Variants in TSNARE1 observed in about 807,000 individuals in gnomAD.
TSNARE1 encodes the protein t-SNARE domain-containing protein 1.
A neutral mutation model predicts 62.0 loss-of-function variants in TSNARE1; 49 were observed. The ratio of observed to expected loss-of-function variants is 0.79; its 90% CI spans 0.63 to 1.00. The LOEUF is 1.00. Ranked by LOEUF, TSNARE1 falls within the 50% of genes least tolerant of loss-of-function variation. TSNARE1 has a pLI of 0.00. For missense variants in TSNARE1, 755 were observed against 700.1 expected (o/e 1.08, Z -0.88); for synonymous variants, 328 against 294.4 (o/e 1.11, Z -1.17).
intron 9 of TSNARE1, 105 bp from the exon 10 acceptor site, chr8:142,300,749 T>A: frequency 2.5e-6 from 3 of 1,178,490 alleles, no homozygotes; most frequent in Non-Finnish European, 3.5e-6. Context: ...ACTATCCCCA[T>A]CTGCTCTCTG....
At chr8:142,276,584 G>A (rs909281613) in intron 11 of TSNARE1, 1 of 985,300 alleles carries the variant, frequency 1.0e-6, no homozygotes, top group African/African-American at 1.7e-5. Flanking sequence ...AACACAGGTG[G>A]TGCTGGACAG....
chr8:142,337,557 A>C (rs967427080), intron 4 of TSNARE1, among the ~76,000 whole-genome samples: 3 of 152,236 alleles, frequency 2.0e-5, no homozygotes, highest in African/African-American at 7.2e-5. Context: ...TCACAGCATA[A>C]CCTCAAGACT....
At chr8:142,305,568 T>A (rs1826533923) in intron 9 of TSNARE1, among the ~76,000 whole-genome samples, 1 of 151,922 alleles carries the variant, frequency 6.6e-6, no homozygotes, top group African/African-American at 2.4e-5. Context: ...CTGGTGCCGC[T>A]CTCCCCAGCA....
At chr8:142,243,516 G>A (rs558980013) in intron 12 of TSNARE1, among the ~76,000 whole-genome samples, 3 of 148,884 alleles carry the variant, frequency 2.0e-5, no homozygotes, top group South Asian at 2.2e-4. Context: ...CAAATGCTGC[G>A]TTATCTCACT....
At chr8:142,279,708 A>G (rs886952500) in intron 11 of TSNARE1, among the ~76,000 whole-genome samples, 1 of 151,970 alleles carries the variant, frequency 6.6e-6, no homozygotes. Flanking sequence ...ATGGGCCAGG[A>G]GGGTGGCGGG....
chr8:142,224,841 TG>T (rs1816699703), intron 13 of TSNARE1, among the ~76,000 whole-genome samples: 1 of 152,098 alleles, frequency 6.6e-6, no homozygotes, highest in Non-Finnish European at 1.5e-5. Flanking sequence ...TTGGTGGGTC[TG>T]GGCAGAGCAG....
intron 12 of TSNARE1, among the ~76,000 whole-genome samples, chr8:142,272,101 T>C (rs1165684615): frequency 2.0e-5 from 3 of 152,018 alleles, no homozygotes; most frequent in Non-Finnish European, 4.4e-5. Context: ...TGTCCACCTG[T>C]CTGTTCATCA....
At chr8:142,330,231 G>A (rs976635199) in intron 6 of TSNARE1, among the ~76,000 whole-genome samples, 22 of 152,300 alleles carry the variant, frequency 1.4e-4, no homozygotes, top group East Asian at 3.9e-4. Flanking sequence ...GACTGCTAGC[G>A]TCCCCTCAGA....
chr8:142,277,065 C>T (rs966032538), intron 11 of TSNARE1: 58 of 985,222 alleles, frequency 5.9e-5, no homozygotes, highest in African/African-American at 2.1e-4. Flanking sequence ...TGGTACTGAG[C>T]GACACTCCAA....
chr8:142,323,417 T>G (rs904030435), intron 6 of TSNARE1, among the ~76,000 whole-genome samples: 1 of 152,244 alleles, frequency 6.6e-6, no homozygotes, highest in Admixed American at 6.5e-5. Flanking sequence ...GAGTGGACAG[T>G]GAGCCATCGG....
intron 4 of TSNARE1, among the ~76,000 whole-genome samples, chr8:142,337,109 G>A (rs1831856988): frequency 6.6e-6 from 1 of 152,070 alleles, no homozygotes. Context: ...AATAATAAAG[G>A]TGAGCAGAAA....
At chr8:142,293,804 C>T (rs962229060) in intron 10 of TSNARE1, among the ~76,000 whole-genome samples, 10 of 152,180 alleles carry the variant, frequency 6.6e-5, no homozygotes, top group African/African-American at 2.4e-4. Context: ...TCTGCATCTA[C>T]CCACACACTG....
intron 2 of TSNARE1, among the ~76,000 whole-genome samples, chr8:142,348,010 G>A (rs773799906): frequency 2.0e-5 from 3 of 152,244 alleles, no homozygotes; most frequent in Admixed American, 6.5e-5. Flanking sequence ...CCTGAGCCAC[G>A]TGAACCTAGA....
intron 12 of TSNARE1, among the ~76,000 whole-genome samples, chr8:142,255,393 C>G (rs1818377906): frequency 6.8e-6 from 1 of 146,910 alleles, no homozygotes; most frequent in Admixed American, 6.8e-5. Flanking sequence ...TTACCACCAC[C>G]ATTACCATCA....
chr8:142,399,266 G>A (rs1376807592), intron 1 of TSNARE1, among the ~76,000 whole-genome samples: 4 of 152,238 alleles, frequency 2.6e-5, no homozygotes, highest in African/African-American at 4.8e-5. Flanking sequence ...AGTGGAATAA[G>A]AACAGCACAG....
chr8:142,400,760 T>A (rs982710097), intron 1 of TSNARE1, among the ~76,000 whole-genome samples: 1 of 152,180 alleles, frequency 6.6e-6, no homozygotes, highest in Non-Finnish European at 1.5e-5. Context: ...TCGGAAGAAA[T>A]GTGTCTGTCT....
chr8:142,218,935 C>T (rs1240245351), intron 13 of TSNARE1, among the ~76,000 whole-genome samples: 1 of 152,210 alleles, frequency 6.6e-6, no homozygotes, highest in African/African-American at 2.4e-5. Context: ...AAATTGCTTG[C>T]TTTGAGCAGA....
rs546196454 is a variant in TSNARE1, at chr8:142,380,786, C to T, written c.-40+22318G>A. Among the ~76,000 whole-genome samples the T allele has an allele frequency of 2.8e-3, 423 of 152,276 alleles. 2 individuals are homozygous for T. The highest frequency in any genetic ancestry group is 9.5e-3 in the African/African-American group (393 of 41,550). ...AGTGGCCACCAGGGACGGCCCACGG[C>T]GGATGCCACCGACACCACCTGCTGA... is the stretch of plus-strand genomic sequence containing the variant. On this transcript the variant is annotated intron_variant, in intron 1 of 13. Coordinates refer to ENST00000524325, the MANE Select transcript of TSNARE1 (RefSeq NM_145003.5).
intron 7 of TSNARE1, 34 bp from the exon 8 acceptor site, chr8:142,315,126 G>A (rs1227574762): frequency 1.2e-6 from 2 of 1,609,990 alleles, no homozygotes; most frequent in Admixed American, 3.3e-5. Flanking sequence ...CGGCATGGGA[G>A]GCTTGGCCCT....
Sources: allele counts gnomAD v4.1 joint callset (sites outside exome capture counted in the v4.1 genomes callset), GRCh38; gene constraint gnomAD v4.1.1; transcripts MANE v1.5; gene names NCBI Gene and HGNC (gene_info 2026-07-23, HGNC 2026-07-21).